Variants in GABRA2 observed in about 807,000 individuals in gnomAD.
GABRA2 encodes gamma-aminobutyric acid receptor subunit alpha-2.
GABRA2 carries 16 observed loss-of-function variants against 48.7 expected under a neutral mutation model. That is an observed-to-expected ratio of 0.33 (90% CI 0.22 to 0.50). The LOEUF (loss-of-function observed/expected upper bound fraction) is 0.50. Ranked by LOEUF, GABRA2 falls within the 20% of genes least tolerant of loss-of-function variation. GABRA2 has a pLI of 0.98. For synonymous variants in GABRA2, 185 were observed against 184.5 expected (o/e 1.00, Z -0.02); for missense variants, 275 against 535.6 (o/e 0.51, Z 4.80).
At chr4:46,280,736 G>T (rs1332550194) in intron 8 of GABRA2, among the ~76,000 whole-genome samples, 1 of 152,152 alleles carries the variant, frequency 6.6e-6, no homozygotes, top group East Asian at 1.9e-4. Flanking sequence ...TATTTCTAGA[G>T]ATGGATCCTT....
intron 8 of GABRA2, among the ~76,000 whole-genome samples, chr4:46,278,142 AACAT>A (rs917343836): frequency 1.3e-5 from 2 of 152,152 alleles, no homozygotes; most frequent in Non-Finnish European, 2.9e-5. Context: ...ATTCAAGAAA[AACAT>A]ACACACACAC....
chr4:46,332,470 A>G, intron 4 of GABRA2, 145 bp downstream of exon 4: 1 of 547,376 alleles, frequency 1.8e-6, no homozygotes, highest in Non-Finnish European at 3.3e-6. Flanking sequence ...AGATCCAAAC[A>G]TCTTTAACTA....
At chr4:46,347,467 A>G (rs774421712) in intron 3 of GABRA2, among the ~76,000 whole-genome samples, 4 of 151,996 alleles carry the variant, frequency 2.6e-5, no homozygotes, top group Non-Finnish European at 4.4e-5. Flanking sequence ...ATATTGAACA[A>G]AGGTTTGAAG....
At chr4:46,345,406 C>T (rs1733978552) in intron 3 of GABRA2, among the ~76,000 whole-genome samples, 2 of 151,852 alleles carry the variant, frequency 1.3e-5, no homozygotes, top group Non-Finnish European at 2.9e-5. Context: ...TCTACTGCAG[C>T]TGTGATGCTC....
Position 46,253,031 on chromosome 4 carries a change from T to G in GABRA2, c.1060-2427A>C, listed in dbSNP as rs541415283. On this transcript the variant is annotated intron_variant, in intron 9 of 9. Coordinates refer to ENST00000381620, the MANE Select transcript of GABRA2 (RefSeq NM_000807.4). ...GTACAAGATGTAAAGGCAATATAAT[T>G]TATTATGTGTTAGGTAGAAGAAGAC... 4.0e-5 allele frequency among the ~76,000 whole-genome samples: 6 copies of G among 151,560 alleles called. No individual in the cohort carries two copies. In the South Asian group the frequency reaches 1.2e-3, roughly 31 times the overall value.
intron 3 of GABRA2, chr4:46,367,376 C>T (rs1456048455): frequency 6.6e-6 from 1 of 152,094 alleles, no homozygotes; most frequent in Non-Finnish European, 1.5e-5. Context: ...CTGTGCCAAG[C>T]ACTAAGGACA....
chr4:46,253,096 G>A (rs1411676421), intron 9 of GABRA2, among the ~76,000 whole-genome samples: 3 of 151,438 alleles, frequency 2.0e-5, no homozygotes, highest in African/African-American at 7.3e-5. Flanking sequence ...TTTGATGGAA[G>A]TAGGACATTT....
At chr4:46,259,513 C>T (rs1448672584) in intron 9 of GABRA2, among the ~76,000 whole-genome samples, 1 of 151,800 alleles carries the variant, frequency 6.6e-6, no homozygotes, top group African/African-American at 2.4e-5. Context: ...AGTAACGGTG[C>T]ACATTCTACA....
rs554979363 is a variant in GABRA2, at chr4:46,388,065, GA to G, written c.71+570del. On this transcript the variant is annotated intron_variant, in intron 2 of 9. Coordinates refer to ENST00000381620, the MANE Select transcript of GABRA2 (RefSeq NM_000807.4). Reference sequence around the variant, plus strand: ...AGTACTCCTGACTGTAAGCATTTGAGAAAAAAATCTTAATAATGCAAAAAGT... The same window carrying G: ...AGTACTCCTGACTGTAAGCATTTGAGAAAAAATCTTAATAATGCAAAAAGT... 3.7e-3 allele frequency among the ~76,000 whole-genome samples: 564 copies of G among 152,070 alleles called. 3 individuals are homozygous for G. The highest frequency in any genetic ancestry group is 0.01 in the Middle Eastern group (3 of 294).
chr4:46,288,078 C>G lies in GABRA2; in HGVS notation c.856+15382G>C, dbSNP rs546800371. Among the ~76,000 whole-genome samples, 7 of 152,198 alleles carry G rather than the reference C, an allele frequency of 4.6e-5. No homozygotes were observed. The East Asian group carries it at 1.4e-3, about 29-fold the overall frequency. On this transcript the variant is annotated intron_variant, in intron 8 of 9. Coordinates refer to ENST00000381620, the MANE Select transcript of GABRA2 (RefSeq NM_000807.4). ...ATCATGAGAACAGAATGAGAAACAT[C>G]CACCCCCATAATTCAATCACCTCAC...
intron 8 of GABRA2, among the ~76,000 whole-genome samples, chr4:46,264,361 T>C (rs928417438): frequency 1.3e-5 from 2 of 152,246 alleles, no homozygotes; most frequent in East Asian, 3.9e-4. Context: ...TAACGTTGAA[T>C]AGAATTGGTG....
At chr4:46,325,431 G>C (rs1048244056) in intron 4 of GABRA2, among the ~76,000 whole-genome samples, 13 of 151,802 alleles carry the variant, frequency 8.6e-5, no homozygotes, top group Admixed American at 4.6e-4. Context: ...TAATGAGATT[G>C]TTTGTTTTTC....
At chr4:46,250,633 T>A in intron 9 of GABRA2, 29 bp from the exon 10 acceptor site, 1 of 1,534,286 alleles carries the variant, frequency 6.5e-7, no homozygotes, top group Non-Finnish European at 8.8e-7. Flanking sequence ...ATTAACAGAG[T>A]GTGGGTTGAG....
intron 4 of GABRA2, among the ~76,000 whole-genome samples, chr4:46,317,002 G>A (rs1259072935): frequency 2.0e-5 from 3 of 151,912 alleles, no homozygotes; most frequent in Admixed American, 2.0e-4. Flanking sequence ...GGTGTAGTAG[G>A]TAACCCCAAC....
chr4:46,308,264 G>A (rs142491142), intron 6 of GABRA2, among the ~76,000 whole-genome samples: 6 of 152,102 alleles, frequency 3.9e-5, no homozygotes, highest in South Asian at 2.1e-4. Context: ...AAAGGTATGC[G>A]GCAATAGGAA....
rs201178529 is a variant in GABRA2, at chr4:46,386,141, G to C, written c.120C>G (p.Thr40=). The C allele has an allele frequency of 2.4e-5, 38 of 1,610,848 alleles. No homozygotes were observed. The highest frequency in any genetic ancestry group is 3.2e-5 in the Non-Finnish European group (38 of 1,178,910). Residue 40 remains threonine, a synonymous_variant, in exon 3 of 10, where the codon ACC becomes ACG. Transcript: ENST00000381620. The part of the protein sequence containing the change: ...IQEDEAKNNI[T]IFTRILDRLL... ...GTCTGTCAAGAATTCTCGTAAAGAT[G>C]GTAATGTTATTTTTAGCCTCATCTT...
chr4:46,322,268 G>T (rs1729582922), intron 4 of GABRA2, among the ~76,000 whole-genome samples: 1 of 151,938 alleles, frequency 6.6e-6, no homozygotes, highest in Non-Finnish European at 1.5e-5. Flanking sequence ...GCTATGGTAT[G>T]CACTGAAGCA....
intron 8 of GABRA2, among the ~76,000 whole-genome samples, chr4:46,271,571 G>C (rs1346529612): frequency 6.6e-6 from 1 of 151,972 alleles, no homozygotes; most frequent in Non-Finnish European, 1.5e-5. Context: ...ATTTCTCTGT[G>C]TTAGAGAGAG....
At chr4:46,303,423 C>A in intron 8 of GABRA2, 37 bp downstream of exon 8, 2 of 1,563,154 alleles carry the variant, frequency 1.3e-6, no homozygotes, top group South Asian at 2.2e-5. Context: ...TGCTATGAAA[C>A]ATAATGTGCT....
Sources: gnomAD v4.1 joint callset for allele counts (sites outside exome capture counted in the v4.1 genomes callset) on GRCh38, gnomAD v4.1.1 for gene constraint, MANE v1.5 for transcripts, NCBI Gene and HGNC (gene_info 2026-07-23, HGNC 2026-07-21) for gene names.